COL25A1: variants seen among roughly 807,000 people sequenced by gnomAD.
COL25A1 encodes collagen alpha-1(XXV) chain.
A neutral mutation model predicts 128.4 loss-of-function variants in COL25A1; 103 were observed. The ratio of observed to expected loss-of-function variants is 0.80; its 90% CI spans 0.68 to 0.94. The LOEUF (loss-of-function observed/expected upper bound fraction) is 0.94, where lower values mean the gene tolerates loss of function less well. Ranked by LOEUF, COL25A1 falls within the 40% of genes least tolerant of loss-of-function variation. The pLI is 0.00. For synonymous variants in COL25A1, 279 were observed against 277.2 expected (o/e 1.01, Z -0.06); for missense variants, 745 against 840.0 (o/e 0.89, Z 1.40).
chr4:108,989,583 G>A (rs866420094), intron 6 of COL25A1, among the ~76,000 whole-genome samples: 1 of 152,052 alleles, frequency 6.6e-6, no homozygotes, highest in Non-Finnish European at 1.5e-5. Flanking sequence ...CCTGATTTAA[G>A]AGTTCCAATA....
intron 3 of COL25A1, among the ~76,000 whole-genome samples, chr4:109,100,826 A>C (rs2126021900): frequency 6.6e-6 from 1 of 152,288 alleles, no homozygotes; most frequent in South Asian, 2.1e-4. Flanking sequence ...TATACACTGC[A>C]AACCCAAAGA....
chr4:108,912,520 T>C (rs1408614779), intron 13 of COL25A1, among the ~76,000 whole-genome samples: 1 of 152,134 alleles, frequency 6.6e-6, no homozygotes, highest in Non-Finnish European at 1.5e-5. Context: ...GTCATAAACA[T>C]ACTGCATAAT....
At chr4:109,298,203 A>G (rs1725175829) in intron 3 of COL25A1, among the ~76,000 whole-genome samples, 1 of 152,082 alleles carries the variant, frequency 6.6e-6, no homozygotes. Context: ...ATTAGAAGCC[A>G]TTTTTAAAAA....
intron 31 of COL25A1, among the ~76,000 whole-genome samples, chr4:108,839,872 C>T (rs1471803237): frequency 6.6e-6 from 1 of 152,114 alleles, no homozygotes; most frequent in Non-Finnish European, 1.5e-5. Context: ...ATATCTGAAT[C>T]ACTTATGAAA....
At chr4:109,295,383 A>T (rs1724876434) in intron 3 of COL25A1, among the ~76,000 whole-genome samples, 1 of 152,096 alleles carries the variant, frequency 6.6e-6, no homozygotes, top group Non-Finnish European at 1.5e-5. Flanking sequence ...AGGCACTCAG[A>T]TGTCACATTG....
intron 18 of COL25A1, among the ~76,000 whole-genome samples, chr4:108,886,460 G>T (rs2125838956): frequency 8.8e-6 from 1 of 113,368 alleles, no homozygotes; most frequent in African/African-American, 3.0e-5. Flanking sequence ...GTGTGTGTGT[G>T]TGTGTGTGTG....
intron 10 of COL25A1, 86 bp from the exon 11 acceptor site, chr4:108,937,929 C>T: frequency 1.0e-6 from 1 of 995,986 alleles, no homozygotes; most frequent in Non-Finnish European, 1.5e-6. Context: ...TTGACTGGGG[C>T]ATGTAAATGT....
intron 3 of COL25A1, among the ~76,000 whole-genome samples, chr4:109,054,928 T>C (rs1761324010): frequency 1.3e-5 from 2 of 152,150 alleles, no homozygotes; most frequent in South Asian, 4.2e-4. Flanking sequence ...AGCTGGCTCT[T>C]GGGAGGGAGG....
intron 3 of COL25A1, among the ~76,000 whole-genome samples, chr4:109,225,788 T>C (rs1183303525): frequency 6.6e-6 from 1 of 152,046 alleles, no homozygotes; most frequent in African/African-American, 2.4e-5. Flanking sequence ...TTTATATACA[T>C]ACATACACAC....
chr4:108,888,037 A>C (rs1462726761), intron 18 of COL25A1, among the ~76,000 whole-genome samples: 1 of 152,170 alleles, frequency 6.6e-6, no homozygotes, highest in Non-Finnish European at 1.5e-5. Flanking sequence ...TTATAAAATA[A>C]ATAGTAAATT....
intron 3 of COL25A1, among the ~76,000 whole-genome samples, chr4:109,143,969 G>GGTTTCTTTAATTTAAA (rs1288583814): frequency 3.3e-4 from 50 of 152,228 alleles, no homozygotes; most frequent in African/African-American, 1.2e-3. Flanking sequence ...TTAAAGAAGA[G>GGTTTCTTTAATTTAAA]GCATTCTGGT....
At chr4:109,189,740 C>A (rs1170501782) in intron 3 of COL25A1, among the ~76,000 whole-genome samples, 2 of 151,946 alleles carry the variant, frequency 1.3e-5, no homozygotes, top group African/African-American at 4.8e-5. Flanking sequence ...AAAAATTTTA[C>A]TAATTAGGTC....
intron 16 of COL25A1, among the ~76,000 whole-genome samples, chr4:108,891,944 T>C (rs932031774): frequency 6.6e-6 from 1 of 152,136 alleles, no homozygotes; most frequent in Non-Finnish European, 1.5e-5. Flanking sequence ...AATATATTTG[T>C]GGAAATCTGA....
chr4:109,237,945 TTAACA>T (rs1371096061), intron 3 of COL25A1, among the ~76,000 whole-genome samples: 1 of 152,122 alleles, frequency 6.6e-6, no homozygotes, highest in Non-Finnish European at 1.5e-5. Flanking sequence ...CTTCTTTCAC[TTAACA>T]TAGTATCTTC....
At chr4:108,882,412 C>T (rs747211047) in intron 19 of COL25A1, among the ~76,000 whole-genome samples, 6 of 152,150 alleles carry the variant, frequency 3.9e-5, no homozygotes, top group Non-Finnish European at 7.3e-5. Context: ...CGATAACCTA[C>T]AAGCACTTAC....
At chr4:108,847,015 C>T (rs577266029) in intron 27 of COL25A1, among the ~76,000 whole-genome samples, 24 of 150,706 alleles carry the variant, frequency 1.6e-4, no homozygotes, top group African/African-American at 4.6e-4. Flanking sequence ...AAGCCATTCT[C>T]CTGCTTCAGC....
At chr4:108,974,782 A>G (rs1188617561) in intron 6 of COL25A1, among the ~76,000 whole-genome samples, 2 of 152,210 alleles carry the variant, frequency 1.3e-5, no homozygotes, top group African/African-American at 2.4e-5. Context: ...TCATAAGTAC[A>G]TAATATGCTC....
intron 3 of COL25A1, among the ~76,000 whole-genome samples, chr4:109,085,612 C>T (rs575823445): frequency 9.2e-5 from 14 of 152,268 alleles, no homozygotes; most frequent in Admixed American, 7.8e-4. Context: ...GCACAAAAAG[C>T]CATCAAGGGA....
intron 3 of COL25A1, among the ~76,000 whole-genome samples, chr4:109,250,576 C>G (rs1291766844): frequency 1.3e-5 from 2 of 152,154 alleles, no homozygotes; most frequent in African/African-American, 4.8e-5. Flanking sequence ...CAGTCCAAGT[C>G]TGATCCTGAA....
Sources: gnomAD v4.1 joint callset for allele counts (sites outside exome capture counted in the v4.1 genomes callset) on GRCh38, gnomAD v4.1.1 for gene constraint, MANE v1.5 for transcripts, NCBI Gene and HGNC (gene_info 2026-07-23, HGNC 2026-07-21) for gene names.